Variants in IL1RL1 observed in about 807,000 individuals in gnomAD.
The protein encoded by IL1RL1 is interleukin 1 receptor like 1, also known as interleukin-1 receptor-like 1.
In IL1RL1, 32 loss-of-function variants were observed where a neutral mutation model predicts 50.9. The observed-to-expected ratio is 0.63, with a 90% CI of 0.47 to 0.84. IL1RL1 has a LOEUF of 0.84. Among genes scored for constraint, IL1RL1 ranks in the 40% least tolerant of loss-of-function variants. The pLI is 0.00. For synonymous variants in IL1RL1, 275 were observed against 236.0 expected (o/e 1.17, Z -1.51); for missense variants, 773 against 662.9 (o/e 1.17, Z -1.82).
At chr2:102,345,933 A>T in intron 8 of IL1RL1, 1 of 985,398 alleles carries the variant, frequency 1.0e-6, no homozygotes, top group Non-Finnish European at 1.2e-6. Flanking sequence ...GTTATCATTG[A>T]TCAATGTCCC....
chr2:102,334,972 C>G (rs1409448098), intron 1 of IL1RL1, among the ~76,000 whole-genome samples: 1 of 151,914 alleles, frequency 6.6e-6, no homozygotes, highest in Non-Finnish European at 1.5e-5. Flanking sequence ...GATTTCAAAA[C>G]TGTAACAAAA....
intron 2 of IL1RL1, 137 bp from the exon 3 acceptor site, chr2:102,338,700 T>C (rs1677423619): frequency 1.5e-6 from 1 of 664,624 alleles, no homozygotes; most frequent in Non-Finnish European, 2.6e-6. Context: ...ATCTTAACAG[T>C]TACTTATTCT....
At chr2:102,341,922 T>C (rs940045039) in intron 5 of IL1RL1, among the ~76,000 whole-genome samples, 1 of 152,216 alleles carries the variant, frequency 6.6e-6, no homozygotes. Flanking sequence ...TTCTAACAAC[T>C]ACTAGGTCAT....
intron 1 of IL1RL1, among the ~76,000 whole-genome samples, chr2:102,335,567 T>G (rs756170068): frequency 5.3e-5 from 8 of 152,194 alleles, no homozygotes; most frequent in Non-Finnish European, 1.2e-4. Context: ...AGGTCTTAAT[T>G]GTCAAATGAA....
rs777208905 is a variant in IL1RL1, at chr2:102,348,055, T to C, written c.1081T>C (p.Trp361Arg). ...GTTCTGGATTGAGGCCACTCTGCTCTGGAGAGACATAGCTAAACCTTACAA... is the reference window on the plus strand; with the variant it reads ...GTTCTGGATTGAGGCCACTCTGCTCCGGAGAGACATAGCTAAACCTTACAA... ...KMFWIEATLLWRDIAKPYKTR... is the reference protein window; with the variant it reads ...KMFWIEATLLRRDIAKPYKTR... The change falls in exon 9 of 11, where the codon TGG (tryptophan) becomes CGG (arginine). Residue 361 changes from tryptophan (W) to arginine (R), a missense_variant. Transcript: ENST00000233954. 5 of 1,613,450 alleles carry C rather than the reference T, an allele frequency of 3.1e-6. No homozygotes were observed. The Admixed American group carries it at 8.3e-5, about 27-fold the overall frequency.
At chr2:102,333,864 C>T (rs984861630) in intron 1 of IL1RL1, among the ~76,000 whole-genome samples, 6 of 152,204 alleles carry the variant, frequency 3.9e-5, no homozygotes, top group African/African-American at 1.4e-4. Context: ...TTAACTGGTT[C>T]ACTTAAGATA....
intron 6 of IL1RL1, 143 bp downstream of exon 6, chr2:102,342,437 C>A (rs1403892642): frequency 1.6e-6 from 1 of 612,746 alleles, no homozygotes; most frequent in East Asian, 2.7e-5. Flanking sequence ...CTGAAAGCAC[C>A]TGCCCCAAGC....
At chr2:102,322,584 A>C (rs1459179921) in intron 1 of IL1RL1, among the ~76,000 whole-genome samples, 1 of 152,214 alleles carries the variant, frequency 6.6e-6, no homozygotes, top group Non-Finnish European at 1.5e-5. Flanking sequence ...CCCGACTTCA[A>C]TACAGTTCTC....
At chr2:102,316,157 T>A (rs1676668847) in intron 1 of IL1RL1, among the ~76,000 whole-genome samples, 2 of 152,200 alleles carry the variant, frequency 1.3e-5, no homozygotes, top group Admixed American at 6.5e-5. Flanking sequence ...GATTTGATTG[T>A]CTTTGGCATG....
chr2:102,323,657 C>T (rs1676903843), intron 1 of IL1RL1, among the ~76,000 whole-genome samples: 1 of 151,956 alleles, frequency 6.6e-6, no homozygotes, highest in Admixed American at 6.6e-5. Context: ...TGAGAACTCA[C>T]CACCAAGGGA....
At position 102,347,995 on chromosome 2, in the gene IL1RL1, A is replaced by G; in HGVS notation, c.1021A>G (p.Met341Val). The part of the protein sequence containing the change: ...CIIAVCSVFL[M>V]LINVLVIILK... The stretch of plus-strand genomic sequence containing the variant: ...AATTGCAGTATGTAGTGTATTTTTA[A>G]TGCTAATCAATGTCCTGGTTATCAT... The change falls in exon 9 of 11, where the codon ATG becomes GTG. Residue 341 changes from methionine to valine, a missense_variant. Coordinates refer to ENST00000233954, the MANE Select transcript of IL1RL1 (RefSeq NM_016232.5). 6.3e-7 allele frequency: 1 copy of G among 1,575,322 alleles called. No individual in the cohort carries two copies. The highest frequency in any genetic ancestry group is 1.1e-5 in the South Asian group (1 of 90,276).
Position 102,312,003 on chromosome 2 carries a change from TTA to T in IL1RL1, c.-150+388_-150+389del, listed in dbSNP as rs1338380258. Among the ~76,000 whole-genome samples the T allele has an allele frequency of 5.5e-4, 6 of 10,918 alleles. 1 individual carries two copies. The highest frequency in any genetic ancestry group is 4.0e-3 in the East Asian group (2 of 502). 7.2% of individuals were successfully genotyped at this position (10,918 alleles called of 152,430 possible). On this transcript the variant is annotated intron_variant, in intron 1 of 10. Transcript: ENST00000233954. Reference sequence around the variant, plus strand: ...ATAATATATATTATATATAATATATTTATATATATTATATATAATATATATTA... The same window carrying T: ...ATAATATATATTATATATAATATATTTATATATTATATATAATATATATTA...
At chr2:102,347,868 G>A in intron 8 of IL1RL1, 77 bp from the exon 9 acceptor site, 3 of 841,416 alleles carry the variant, frequency 3.6e-6, no homozygotes, top group Non-Finnish European at 3.8e-6. Context: ...TACTCCCAAG[G>A]GAAGCCAACA....
At position 102,348,383 on chromosome 2, in the gene IL1RL1, G is replaced by A. The variant is rs145312964; in HGVS notation, c.1117+292G>A. On this transcript the variant is annotated intron_variant, in intron 9 of 10. Transcript: ENST00000233954. ...GAATCTGCCCCAAGCCCAGAAAGGT[G>A]TAAATTTCATAATGTATCGGTAAGA... 4.3e-4 allele frequency among the ~76,000 whole-genome samples: 66 copies of A among 152,274 alleles called. No homozygotes were observed. The East Asian group carries it at 0.013, about 29-fold the overall frequency.
intron 8 of IL1RL1, chr2:102,344,807 T>C: frequency 1.1e-6 from 1 of 932,674 alleles, no homozygotes; most frequent in Non-Finnish European, 1.3e-6. Flanking sequence ...ACTATTTTTA[T>C]ATTTATGTTT....
At chr2:102,341,099 AG>A in intron 5 of IL1RL1, 2 of 833,762 alleles carry the variant, frequency 2.4e-6, no homozygotes, top group Non-Finnish European at 1.6e-6. Flanking sequence ...CCAAAGATAA[AG>A]CAATCTGAAT....
intron 1 of IL1RL1, among the ~76,000 whole-genome samples, chr2:102,322,261 T>C (rs1369640250): frequency 1.3e-5 from 2 of 152,220 alleles, no homozygotes; most frequent in Non-Finnish European, 2.9e-5. Context: ...TCTTCAGGCC[T>C]TCTGCTGCTC....
chr2:102,343,421 G>A lies in IL1RL1; in HGVS notation c.970+6G>A. 1.2e-6 allele frequency: 2 copies of A among 1,614,192 alleles called. No individual in the cohort carries two copies. The highest frequency in any genetic ancestry group is 1.7e-6 in the Non-Finnish European group (2 of 1,180,024). ...ACTAAGTAGGAAAAATCCAAGTAAGGAGTGTTTCTGAGACTTTGATCACCT... is the reference window on the plus strand; with the variant it reads ...ACTAAGTAGGAAAAATCCAAGTAAGAAGTGTTTCTGAGACTTTGATCACCT... On this transcript the variant is annotated splice_donor_region_variant and intron_variant, in intron 8 of 10. Transcript: ENST00000233954.
intron 5 of IL1RL1, 42 bp from the exon 6 acceptor site, chr2:102,342,181 T>C (rs779260705): frequency 2.2e-6 from 3 of 1,359,134 alleles, no homozygotes; most frequent in Non-Finnish European, 3.1e-6. Context: ...TTGACTAGCA[T>C]TCAATGCTCT....
Sources: allele counts gnomAD v4.1 joint callset (sites outside exome capture counted in the v4.1 genomes callset), GRCh38; gene constraint gnomAD v4.1.1; transcripts MANE v1.5; gene names NCBI Gene and HGNC (gene_info 2026-07-23, HGNC 2026-07-21).